LYRM1: variants seen among roughly 807,000 people sequenced by gnomAD.
LYRM1 encodes the protein LYR motif containing 1.
LYRM1 carries 14 observed loss-of-function variants against 14.9 expected under a neutral mutation model. The ratio of observed to expected loss-of-function variants is 0.94; its 90% CI spans 0.62 to 1.47. The LOEUF (loss-of-function observed/expected upper bound fraction) is 1.47, where lower values mean the gene tolerates loss of function less well. Among genes scored for constraint, LYRM1 ranks in the 40% most tolerant of loss-of-function variants. The probability of loss-of-function intolerance (pLI) is 0.00; values close to 1 mark genes in which losing one functional copy is unlikely to be tolerated. For synonymous variants in LYRM1, 43 were observed against 56.2 expected (o/e 0.77, Z 1.05); for missense variants, 153 against 149.9 (o/e 1.02, Z -0.11).
chr16:20,924,368 C>T lies in LYRM1; in HGVS notation c.*252C>T, dbSNP rs912508817. 3 of 338,784 alleles carry T rather than the reference C, an allele frequency of 8.9e-6. No homozygotes were observed. The highest frequency in any genetic ancestry group is 5.6e-5 in the East Asian group (1 of 17,890). 21.0% of individuals were successfully genotyped at this position (338,784 alleles called of 1,614,324 possible). A position where few individuals can be genotyped will look rare whatever the true frequency, so the allele number is the denominator to read the frequency against. ...CTGCAGTCACCTTTGGAAACAAGAC[C>T]GAGGCCTGTAGAAGGAAAGCGGAAG... On this transcript the variant is annotated 3_prime_UTR_variant, in exon 4 of 4. Coordinates refer to ENST00000567954, the MANE Select transcript of LYRM1 (RefSeq NM_001128302.3).
chr16:20,908,806 G>T (rs1234963796), intron 1 of LYRM1, among the ~76,000 whole-genome samples: 9 of 152,132 alleles, frequency 5.9e-5, no homozygotes, highest in Admixed American at 6.6e-5. Flanking sequence ...GGTGTGGGGT[G>T]GCTAGCAGAA....
At chr16:20,907,951 A>G (rs1810246451) in intron 1 of LYRM1, among the ~76,000 whole-genome samples, 1 of 152,126 alleles carries the variant, frequency 6.6e-6, no homozygotes, top group South Asian at 2.1e-4. Flanking sequence ...CTGCTTATTT[A>G]TCACTGTATC....
chr16:20,921,264 A>AT (rs2083174750), intron 3 of LYRM1: 1 of 151,644 alleles, frequency 6.6e-6, no homozygotes, highest in South Asian at 2.1e-4. Flanking sequence ...TAATGTTTTA[A>AT]TTTTTTGTAG....
At chr16:20,917,196 G>T (rs1034999142) in intron 2 of LYRM1, among the ~76,000 whole-genome samples, 1 of 152,038 alleles carries the variant, frequency 6.6e-6, no homozygotes, top group Non-Finnish European at 1.5e-5. Flanking sequence ...TCCAAACCCA[G>T]GTTCCCCAAA....
chr16:20,908,016 GTGGA>G (rs938455117), intron 1 of LYRM1, among the ~76,000 whole-genome samples: 1 of 152,184 alleles, frequency 6.6e-6, no homozygotes, highest in Admixed American at 6.5e-5. Flanking sequence ...TGTTGAGTGA[GTGGA>G]TGGATGGATG....
At chr16:20,909,648 A>C (rs2082490792) in intron 1 of LYRM1, among the ~76,000 whole-genome samples, 1 of 152,232 alleles carries the variant, frequency 6.6e-6, no homozygotes, top group Non-Finnish European at 1.5e-5. Context: ...TGTTGGTTTC[A>C]AGCCATTAAA....
At chr16:20,902,987 G>T (rs538296108) in intron 1 of LYRM1, among the ~76,000 whole-genome samples, 56 of 152,260 alleles carry the variant, frequency 3.7e-4, no homozygotes, top group South Asian at 2.7e-3. Context: ...AGTGTAAAGG[G>T]TATCAGAAGA....
rs2083332918 is a variant in LYRM1 at position 20,923,882 on chromosome 16, A to G, written c.253-118A>G. The stretch of plus-strand genomic sequence containing the variant: ...GGATTAACTTGTGTAAAGATTAATG[A>G]ATCAATGTAGATACAGCACTTAGCA... On this transcript the variant is annotated intron_variant, in intron 3 of 3. Coordinates refer to ENST00000567954, the MANE Select transcript of LYRM1 (RefSeq NM_001128302.3). 5.1e-6 allele frequency: 3 copies of G among 585,722 alleles called. No individual in the cohort carries two copies. The East Asian group carries it at 8.6e-5, about 17-fold the overall frequency. The allele number at this position is 585,722 out of a possible 1,614,324, so 36.3% of individuals were successfully genotyped here.
At chr16:20,913,313 C>CTTTGT (rs999352321) in intron 1 of LYRM1, among the ~76,000 whole-genome samples, 1 of 123,448 alleles carries the variant, frequency 8.1e-6, no homozygotes, top group African/African-American at 2.8e-5. Context: ...AGTATCTTTT[C>CTTTGT]TTTGTTTTTT....
In LYRM1 at chr16:20,920,161, T is replaced by A; in HGVS notation, c.199T>A (p.Cys67Ser). The A allele has an allele frequency of 6.2e-7, 1 of 1,614,154 alleles. No individual in the cohort carries two copies. Among genetic ancestry groups the A allele is most frequent in the Non-Finnish European group, 8.5e-7 (1 of 1,179,980 alleles). ...CCTAATTAAACAGTGTATAGATGAA[T>A]GCACAGCCAGGATTGAAATTGGACT... ...TDLIKQCIDECTARIEIGLHY... is the reference protein window; with the variant it reads ...TDLIKQCIDESTARIEIGLHY... Residue 67 changes from cysteine (C) to serine (S), a missense_variant, in exon 3 of 4, where the codon TGC (cysteine) becomes AGC (serine). Physicochemically the swap from Cys to Ser is moderately radical, Grantham distance 112 (BLOSUM62 -1). Transcript: ENST00000567954.
At chr16:20,913,180 T>C (rs1010311490) in intron 1 of LYRM1, among the ~76,000 whole-genome samples, 9 of 151,542 alleles carry the variant, frequency 5.9e-5, no homozygotes, top group Admixed American at 2.0e-4. Context: ...AAATTCAGCA[T>C]AGTGATTCCT....
At chr16:20,914,399 C>T (rs1243180190) in intron 1 of LYRM1, among the ~76,000 whole-genome samples, 1 of 151,168 alleles carries the variant, frequency 6.6e-6, no homozygotes, top group Admixed American at 6.6e-5. Flanking sequence ...AGCAATTCTC[C>T]TGACTCAGCC....
chr16:20,907,842 T>C (rs1031095673), intron 1 of LYRM1, among the ~76,000 whole-genome samples: 1 of 152,192 alleles, frequency 6.6e-6, no homozygotes, highest in South Asian at 2.1e-4. Flanking sequence ...TTGTATCTTA[T>C]TACTCTTCAG....
At chr16:20,902,570 T>G (rs917323271) in intron 1 of LYRM1, 2 of 152,188 alleles carry the variant, frequency 1.3e-5, no homozygotes, top group Non-Finnish European at 2.9e-5. Context: ...CTTAATATCC[T>G]GGAATAATGG....
chr16:20,903,606 C>T (rs962106024), intron 1 of LYRM1, among the ~76,000 whole-genome samples: 7 of 152,144 alleles, frequency 4.6e-5, no homozygotes, highest in African/African-American at 1.2e-4. Flanking sequence ...TGGAGGAACT[C>T]GAGGGTACTA....
In LYRM1 at chr16:20,924,812, A is replaced by C. The variant is rs928839477; in HGVS notation, c.*696A>C. On this transcript the variant is annotated 3_prime_UTR_variant, in exon 4 of 4. Coordinates refer to ENST00000567954, the MANE Select transcript of LYRM1 (RefSeq NM_001128302.3). ...TTACGTTAACATAATTGAAAAGTAC[A>C]AGGTCCAAGCTGGCTTTCAAATTAT... is the stretch of plus-strand genomic sequence containing the variant. 2 of 152,256 alleles carry C rather than the reference A, an allele frequency of 1.3e-5. No individual in the cohort carries two copies. The highest frequency in any genetic ancestry group is 2.9e-5 in the Non-Finnish European group (2 of 68,054). The allele number at this position is 152,256 out of a possible 1,614,324, so 9.4% of individuals were successfully genotyped here. A position where few individuals can be genotyped will look rare whatever the true frequency, so the allele number is the denominator to read the frequency against.
Position 20,924,402 on chromosome 16 carries a change from A to T in LYRM1, c.*286A>T. 1 of 266,704 alleles carries T rather than the reference A, an allele frequency of 3.7e-6. No homozygotes were observed. The highest frequency in any genetic ancestry group is 7.2e-6 in the Non-Finnish European group (1 of 139,138). The allele number at this position is 266,704 out of a possible 1,614,324, so 16.5% of individuals were successfully genotyped here. ...TAGAAGGAAAGCGGAAGGATGTAAGAGCTGTTCATGGGAATTCCATTCACC... is the reference window on the plus strand; with the variant it reads ...TAGAAGGAAAGCGGAAGGATGTAAGTGCTGTTCATGGGAATTCCATTCACC... On this transcript the variant is annotated 3_prime_UTR_variant, in exon 4 of 4. Transcript: ENST00000567954.
intron 2 of LYRM1, 148 bp downstream of exon 2, chr16:20,915,862 C>A: frequency 5.1e-6 from 4 of 787,820 alleles, no homozygotes; most frequent in Non-Finnish European, 7.8e-6. Flanking sequence ...CACAGCTTGG[C>A]TAGCTTGCCT....
chr16:20,918,190 C>T (rs532534318), intron 2 of LYRM1, among the ~76,000 whole-genome samples: 2 of 152,214 alleles, frequency 1.3e-5, no homozygotes, highest in East Asian at 1.9e-4. Flanking sequence ...GTCCAGCCTG[C>T]GGTATTGGGG....
Sources: allele counts gnomAD v4.1 joint callset (sites outside exome capture counted in the v4.1 genomes callset), GRCh38; gene constraint gnomAD v4.1.1; transcripts MANE v1.5; gene names NCBI Gene and HGNC (gene_info 2026-07-23, HGNC 2026-07-21).